The following B3GALT1 variants were observed in gnomAD, a reference collection of about 807,000 sequenced individuals.
B3GALT1 encodes beta-1,3-galactosyltransferase 1.
A neutral mutation model predicts 23.2 loss-of-function variants in B3GALT1; 10 were observed. The ratio of observed to expected loss-of-function variants is 0.43; its 90% confidence interval spans 0.27 to 0.73. The LOEUF (loss-of-function observed/expected upper bound fraction) is 0.73, where lower values mean the gene tolerates loss of function less well. Ranked by LOEUF, B3GALT1 falls within the 30% of genes least tolerant of loss-of-function variation. B3GALT1 has a pLI of 0.21. For missense variants in B3GALT1, 299 were observed against 405.4 expected (o/e 0.74, Z 2.25); for synonymous variants, 156 against 141.5 (o/e 1.10, Z -0.73).
intron 1 of B3GALT1, among the ~76,000 whole-genome samples, chr2:167,404,451 T>C (rs1363246508): frequency 6.6e-6 from 1 of 152,150 alleles, no homozygotes; most frequent in Non-Finnish European, 1.5e-5. Flanking sequence ...TGTACTAAGC[T>C]GGAGAAAATT....
At chr2:167,462,123 A>T (rs1013734413) in intron 1 of B3GALT1, among the ~76,000 whole-genome samples, 1 of 152,224 alleles carries the variant, frequency 6.6e-6, no homozygotes, top group Admixed American at 6.5e-5. Flanking sequence ...TATAGACATA[A>T]ATAACCTCAA....
intron 1 of B3GALT1, among the ~76,000 whole-genome samples, chr2:167,330,423 ATAGTGAGACCCTGTCTC>A (rs1696955495): frequency 6.6e-6 from 1 of 152,156 alleles, no homozygotes; most frequent in African/African-American, 2.4e-5. Flanking sequence ...CCTGGGCAAC[ATAGTGAGACCCTGTCTC>A]TACAAAAAAT....
intron 2 of B3GALT1, among the ~76,000 whole-genome samples, chr2:167,604,967 C>T (rs556619744): frequency 1.3e-5 from 2 of 152,320 alleles, no homozygotes; most frequent in South Asian, 4.1e-4. Context: ...TTTAAGAACT[C>T]ACAAGAGGTT....
At chr2:167,558,763 C>G (rs965902229) in intron 2 of B3GALT1, among the ~76,000 whole-genome samples, 1 of 152,236 alleles carries the variant, frequency 6.6e-6, no homozygotes, top group Non-Finnish European at 1.5e-5. Context: ...GGAGGGGCGC[C>G]CACCATTGCC....
chr2:167,661,219 T>G (rs1686055271), intron 3 of B3GALT1, among the ~76,000 whole-genome samples: 1 of 152,100 alleles, frequency 6.6e-6, no homozygotes, highest in South Asian at 2.1e-4. Flanking sequence ...TCAATTACAG[T>G]GTGTGAAATC....
At position 167,719,188 on chromosome 2, in the gene B3GALT1, C is replaced by T. The variant is rs572359679; in HGVS notation, c.-352+72222C>T. ...TCTATTTAGAGAGTTTGAAATTATC[C>T]CAAGCTTCATGACTATAATTTTCTT... On this transcript the variant is annotated intron_variant, in intron 3 of 4. Transcript: ENST00000392690. Among the ~76,000 whole-genome samples, 3 of 152,172 alleles carry T rather than the reference C, an allele frequency of 2.0e-5. No homozygotes were observed. The South Asian group carries it at 6.2e-4, about 32-fold the overall frequency.
intron 3 of B3GALT1, among the ~76,000 whole-genome samples, chr2:167,815,711 G>A (rs982881752): frequency 6.6e-6 from 1 of 152,088 alleles, no homozygotes; most frequent in Non-Finnish European, 1.5e-5. Flanking sequence ...GCCACATGAA[G>A]CGAAAAAGAA....
chr2:167,826,345 A>ACT (rs1689225296), intron 4 of B3GALT1, among the ~76,000 whole-genome samples: 1 of 152,130 alleles, frequency 6.6e-6, no homozygotes, highest in Non-Finnish European at 1.5e-5. Context: ...AAGGACAGGG[A>ACT]CCAGTGTCAT....
In B3GALT1 at chr2:167,651,863, A is replaced by G. The variant is rs145912193; in HGVS notation, c.-352+4897A>G. Among the ~76,000 whole-genome samples, 669 of 152,276 alleles carry G rather than the reference A, an allele frequency of 4.4e-3. 4 individuals carry two copies. The highest frequency in any genetic ancestry group is 0.015 in the African/African-American group (635 of 41,568). On this transcript the variant is annotated intron_variant, in intron 3 of 4. Coordinates refer to ENST00000392690, the MANE Select transcript of B3GALT1 (RefSeq NM_020981.4). Reference sequence around the variant, plus strand: ...CATTTAATGGTGTTACCCAGGAAGTATCATGACACCTTACAAAGGGGAATC... The same window carrying G: ...CATTTAATGGTGTTACCCAGGAAGTGTCATGACACCTTACAAAGGGGAATC...
At chr2:167,763,434 G>C (rs933124328) in intron 3 of B3GALT1, among the ~76,000 whole-genome samples, 1 of 152,122 alleles carries the variant, frequency 6.6e-6, no homozygotes. Flanking sequence ...ACTAAACATA[G>C]ACTGGACAGC....
At chr2:167,597,072 A>G (rs1026816858) in intron 2 of B3GALT1, among the ~76,000 whole-genome samples, 7 of 150,956 alleles carry the variant, frequency 4.6e-5, no homozygotes, top group Admixed American at 4.6e-4. Context: ...TGGTTGCTTA[A>G]TGTGTATCCA....
At chr2:167,328,233 G>C (rs1696925729) in intron 1 of B3GALT1, among the ~76,000 whole-genome samples, 1 of 152,174 alleles carries the variant, frequency 6.6e-6, no homozygotes. Flanking sequence ...TGCTGACCTT[G>C]TATAATGAGT....
intron 2 of B3GALT1, among the ~76,000 whole-genome samples, chr2:167,532,001 GT>G (rs1683334150): frequency 6.6e-6 from 1 of 152,076 alleles, no homozygotes; most frequent in Non-Finnish European, 1.5e-5. Flanking sequence ...GGTTGTTTTG[GT>G]CCCATGCATT....
At chr2:167,785,783 CTG>C (rs1448266347) in intron 3 of B3GALT1, among the ~76,000 whole-genome samples, 2 of 152,206 alleles carry the variant, frequency 1.3e-5, no homozygotes, top group Non-Finnish European at 2.9e-5. Flanking sequence ...CAGATTCCCT[CTG>C]TGTGGCTTCT....
chr2:167,793,168 C>G (rs1313188100), intron 3 of B3GALT1, among the ~76,000 whole-genome samples: 1 of 152,172 alleles, frequency 6.6e-6, no homozygotes, highest in African/African-American at 2.4e-5. Flanking sequence ...TCTTTTCACT[C>G]TCCATGCTGC....
At chr2:167,613,039 G>A (rs1445521195) in intron 2 of B3GALT1, among the ~76,000 whole-genome samples, 1 of 151,866 alleles carries the variant, frequency 6.6e-6, no homozygotes, top group African/African-American at 2.4e-5. Flanking sequence ...CCCAAAAGAG[G>A]AGCAATGGGG....
chr2:167,348,612 A>G (rs1408611717), intron 1 of B3GALT1, among the ~76,000 whole-genome samples: 2 of 152,172 alleles, frequency 1.3e-5, no homozygotes, highest in East Asian at 1.9e-4. Context: ...CTTATGTTCT[A>G]CTAATCTGCT....
chr2:167,299,767 AT>A (rs925622633), intron 1 of B3GALT1, among the ~76,000 whole-genome samples: 2 of 151,356 alleles, frequency 1.3e-5, no homozygotes, highest in Non-Finnish European at 2.9e-5. Context: ...AAAAATAGTC[AT>A]TTTTTCCCCT....
intron 1 of B3GALT1, among the ~76,000 whole-genome samples, chr2:167,408,517 G>C (rs1040176239): frequency 6.6e-6 from 1 of 152,088 alleles, no homozygotes; most frequent in Non-Finnish European, 1.5e-5. Flanking sequence ...CTGCTGGCCA[G>C]AGCAATTAGT....
Sources: gnomAD v4.1 joint callset for allele counts (sites outside exome capture counted in the v4.1 genomes callset) on GRCh38, gnomAD v4.1.1 for gene constraint, MANE v1.5 for transcripts, NCBI Gene and HGNC (gene_info 2026-07-23, HGNC 2026-07-21) for gene names.